PACSIN1: variants seen among roughly 807,000 people sequenced by gnomAD.
PACSIN1 encodes protein kinase C and casein kinase substrate in neurons 1, also known as protein kinase C and casein kinase substrate in neurons protein 1.
In PACSIN1, 15 loss-of-function variants were observed where a neutral mutation model predicts 59.5. That is an observed-to-expected ratio of 0.25 (90% CI 0.17 to 0.39). The LOEUF (loss-of-function observed/expected upper bound fraction) is 0.39, where lower values mean the gene tolerates loss of function less well. Ranked by LOEUF, PACSIN1 falls within the 10% of genes least tolerant of loss-of-function variation. PACSIN1 has a pLI of 1.00. For missense variants in PACSIN1, 420 were observed against 580.2 expected, an observed-to-expected ratio of 0.72 and a Z score of 2.84; for synonymous variants, 210 against 220.6, an observed-to-expected ratio of 0.95 and a Z score of 0.42.
In PACSIN1 at chr6:34,530,792, C is replaced by T. The variant is rs141803291; in HGVS notation, c.1037+205C>T. Among the ~76,000 whole-genome samples, 4 of 152,312 alleles carry T rather than the reference C, an allele frequency of 2.6e-5. No homozygotes were observed. In the East Asian group the frequency reaches 5.8e-4, roughly 22 times the overall value. On this transcript the variant is annotated intron_variant, in intron 8 of 9. Transcript: ENST00000244458. This position sits in a 1 kb window ranked among gnomAD's most constrained non-coding sequence, Gnocchi z 4.4. Reference sequence around the variant, plus strand: ...AGTTTTGTGGAAGACAATTTTTCCACGGATGGGAGCGGGGTGGTTTTCGGA... The same window carrying T: ...AGTTTTGTGGAAGACAATTTTTCCATGGATGGGAGCGGGGTGGTTTTCGGA...
rs750241333 is a variant in PACSIN1, at chr6:34,528,881, C to T, written c.456+4C>T. On this transcript the variant is annotated splice_donor_region_variant and intron_variant, in intron 4 of 9. Coordinates refer to ENST00000244458, the MANE Select transcript of PACSIN1 (RefSeq NM_020804.5). ...TTGGGCCAAGAAGATGAAGGAGGTG[C>T]TCAGTGGGTGCTGCCACGGGCGGGG... The T allele has an allele frequency of 8.2e-6, 11 of 1,343,054 alleles. No homozygotes were observed. The highest frequency in any genetic ancestry group is 2.7e-5 in the East Asian group (1 of 36,920). The allele number at this position is 1,343,054 out of a possible 1,614,324, so 83.2% of individuals were successfully genotyped here.
chr6:34,478,252 G>A (rs1272018152), intron 1 of PACSIN1, among the ~76,000 whole-genome samples: 1 of 147,222 alleles, frequency 6.8e-6, no homozygotes, highest in Admixed American at 6.8e-5. Context: ...GTAGAGATGG[G>A]GTTTCATTAT....
intron 1 of PACSIN1, among the ~76,000 whole-genome samples, chr6:34,509,554 T>C (rs888393333): frequency 1.1e-4 from 16 of 152,162 alleles, no homozygotes; most frequent in Non-Finnish European, 2.2e-4. Context: ...TTGGGGACCT[T>C]TGTGGTTCCT....
At chr6:34,470,163 G>A (rs1041119282) in intron 1 of PACSIN1, among the ~76,000 whole-genome samples, 4 of 151,828 alleles carry the variant, frequency 2.6e-5, no homozygotes, top group Admixed American at 1.3e-4. Flanking sequence ...GGGAGGGCAG[G>A]GGAGGCCTTG....
chr6:34,527,397 G>C lies in PACSIN1; in HGVS notation c.129G>C (p.Met43Ile). 1 of 1,601,384 alleles carries C rather than the reference G, an allele frequency of 6.2e-7. No homozygotes were observed. The highest frequency in any genetic ancestry group is 8.5e-7 in the Non-Finnish European group (1 of 1,175,136). Residue 43 changes from methionine (M) to isoleucine (I), a missense_variant, in exon 3 of 10, where the codon ATG (methionine) becomes ATC (isoleucine). Coordinates refer to ENST00000244458, the MANE Select transcript of PACSIN1 (RefSeq NM_020804.5). ...DDGHRLCNDL[M>I]NCVQERAKIE... The stretch of plus-strand genomic sequence containing the variant: ...GCCACCGTCTATGCAACGACCTGAT[G>C]AACTGCGTGCAGGAGCGCGCCAAGA...
chr6:34,530,117 A>G lies in PACSIN1; in HGVS notation c.789-126A>G. 1 of 1,324,624 alleles carries G rather than the reference A, an allele frequency of 7.5e-7. No individual in the cohort carries two copies. The allele number at this position is 1,324,624 out of a possible 1,614,324, so 82.1% of individuals were successfully genotyped here. A position where few individuals can be genotyped will look rare whatever the true frequency, so the allele number is the denominator to read the frequency against. On this transcript the variant is annotated intron_variant, in intron 6 of 9. Transcript: ENST00000244458. The surrounding 1 kb of genome is among the most constrained non-coding windows in gnomAD (Gnocchi z 4.4). ...CGGAGCTTATTCTTGCAAAGCCCAC[A>G]TGATTCCTGGCTGGGCAGCATGCCC...
In PACSIN1 at chr6:34,525,281, G is replaced by T. The variant is rs183253485; in HGVS notation, c.-63-962G>T. ...CAAGAGGCAATACTGGGTTATTACTGGGAAAGAGCCCCAGGCCCTGGACAG... is the reference window on the plus strand; with the variant it reads ...CAAGAGGCAATACTGGGTTATTACTTGGAAAGAGCCCCAGGCCCTGGACAG... On this transcript the variant is annotated intron_variant, in intron 1 of 9. Transcript: ENST00000244458. This position sits in a 1 kb window ranked among gnomAD's most constrained non-coding sequence, Gnocchi z 4.9. Among the ~76,000 whole-genome samples the T allele has an allele frequency of 6.6e-6, 1 of 152,334 alleles. No homozygotes were observed. Among genetic ancestry groups the T allele is most frequent in the African/African-American group, 2.4e-5 (1 of 41,570 alleles).
Position 34,521,463 on chromosome 6 carries a change from CT to C in PACSIN1, c.-63-4777del, listed in dbSNP as rs909546783. Among the ~76,000 whole-genome samples, 1 of 152,192 alleles carries C rather than the reference CT, an allele frequency of 6.6e-6. No homozygotes were observed. The highest frequency in any genetic ancestry group is 2.4e-5 in the African/African-American group (1 of 41,454). On this transcript the variant is annotated intron_variant, in intron 1 of 9. Transcript: ENST00000244458. This position sits in a 1 kb window ranked among gnomAD's most constrained non-coding sequence, Gnocchi z 4.3. ...GCCCTCCAGGGTCTCCTAGAGGCAGCTTTCAGGAGATGCCTGGGCCTGAGGA... is the reference window on the plus strand; with the variant it reads ...GCCCTCCAGGGTCTCCTAGAGGCAGCTTCAGGAGATGCCTGGGCCTGAGGA...
intron 1 of PACSIN1, among the ~76,000 whole-genome samples, chr6:34,487,928 A>G (rs1191740832): frequency 1.3e-5 from 2 of 152,162 alleles, no homozygotes; most frequent in Non-Finnish European, 2.9e-5. Context: ...CTGAGCCCTT[A>G]TAATAATTCA....
chr6:34,522,944 A>G (rs1767420093), intron 1 of PACSIN1, among the ~76,000 whole-genome samples: 1 of 152,312 alleles, frequency 6.6e-6, no homozygotes, highest in South Asian at 2.1e-4. Flanking sequence ...GCCCGCCCAC[A>G]TTGCATGAGG....
chr6:34,504,366 A>C (rs1767076413), intron 1 of PACSIN1, among the ~76,000 whole-genome samples: 1 of 149,700 alleles, frequency 6.7e-6, no homozygotes, highest in African/African-American at 2.5e-5. Flanking sequence ...ATCTAGGCTC[A>C]CTGCAACCTC....
intron 1 of PACSIN1, among the ~76,000 whole-genome samples, chr6:34,506,182 G>A (rs988695916): frequency 1.6e-4 from 25 of 151,962 alleles, no homozygotes; most frequent in African/African-American, 6.0e-4. Flanking sequence ...TCTCATTAAA[G>A]TTGAGATTTT....
chr6:34,498,796 C>CAAAAAAAAA (rs1228510694), intron 1 of PACSIN1, among the ~76,000 whole-genome samples: 2 of 95,632 alleles, frequency 2.1e-5, no homozygotes, highest in African/African-American at 7.9e-5. Flanking sequence ...GACTTTGTCT[C>CAAAAAAAAA]AAAAAAAAAA....
At chr6:34,508,271 T>C (rs535639557) in intron 1 of PACSIN1, among the ~76,000 whole-genome samples, 2 of 152,194 alleles carry the variant, frequency 1.3e-5, no homozygotes, top group African/African-American at 4.8e-5. Flanking sequence ...ACCTGGCCAA[T>C]TTTTTGTATT....
intron 1 of PACSIN1, among the ~76,000 whole-genome samples, chr6:34,503,369 G>A (rs1442184168): frequency 6.6e-6 from 1 of 152,160 alleles, no homozygotes; most frequent in Non-Finnish European, 1.5e-5. Context: ...ATACTCCAAT[G>A]CTTTGTGTGA....
At position 34,516,057 on chromosome 6, in the gene PACSIN1, G is replaced by A. The variant is rs896384405; in HGVS notation, c.-63-10186G>A. Among the ~76,000 whole-genome samples, 15 of 152,180 alleles carry A rather than the reference G, an allele frequency of 9.9e-5. No individual in the cohort carries two copies. The highest frequency in any genetic ancestry group is 3.6e-4 in the African/African-American group (15 of 41,438). On this transcript the variant is annotated intron_variant, in intron 1 of 9. Transcript: ENST00000244458. This position sits in a 1 kb window ranked among gnomAD's most constrained non-coding sequence, Gnocchi z 5.4. ...TGGGTGGCATAGGGAGGAGATGCTA[G>A]CCTGCAAGGGGCAGAAGGTTGATGT...
intron 1 of PACSIN1, among the ~76,000 whole-genome samples, chr6:34,468,134 G>T (rs1454398311): frequency 2.0e-5 from 3 of 152,224 alleles, no homozygotes; most frequent in Non-Finnish European, 4.4e-5. Flanking sequence ...CCCAAGCCAG[G>T]CCTTCCTCAG....
intron 1 of PACSIN1, among the ~76,000 whole-genome samples, chr6:34,522,196 C>T (rs528519203): frequency 2.6e-5 from 4 of 152,338 alleles, no homozygotes; most frequent in East Asian, 3.9e-4. Context: ...GCAGGGGCCA[C>T]GCAGCAGTGG....
At chr6:34,466,840 T>C (rs1274571053) in intron 1 of PACSIN1, among the ~76,000 whole-genome samples, 1 of 152,188 alleles carries the variant, frequency 6.6e-6, no homozygotes, top group Non-Finnish European at 1.5e-5. Flanking sequence ...CATGGGCTGC[T>C]GGGCACTGCC....
Sources: allele counts gnomAD v4.1 joint callset (sites outside exome capture counted in the v4.1 genomes callset), GRCh38; gene constraint gnomAD v4.1.1; non-coding constraint Gnocchi (gnomAD v3.1); transcripts MANE v1.5; gene names NCBI Gene and HGNC (gene_info 2026-07-23, HGNC 2026-07-21).